Variants in SLA2 observed in about 807,000 individuals in gnomAD.
SLA2 encodes Src like adaptor 2.
In SLA2, 22 loss-of-function variants were observed where a neutral mutation model predicts 27.3. The ratio of observed to expected loss-of-function variants is 0.81; its 90% CI spans 0.58 to 1.15. The LOEUF (loss-of-function observed/expected upper bound fraction) is 1.15, where lower values mean the gene tolerates loss of function less well. SLA2 is among the 50% of genes most tolerant of loss of function. The probability of loss-of-function intolerance (pLI) is 0.00; values close to 1 mark genes in which losing one functional copy is unlikely to be tolerated. For missense variants in SLA2, 304 were observed against 322.2 expected, an observed-to-expected ratio of 0.94 and a Z score of 0.43; for synonymous variants, 131 against 137.8, an observed-to-expected ratio of 0.95 and a Z score of 0.34.
At chr20:36,618,559 C>A (rs571448086) in intron 5 of SLA2, among the ~76,000 whole-genome samples, 3 of 151,486 alleles carry the variant, frequency 2.0e-5, no homozygotes, top group South Asian at 2.1e-4. Context: ...GGATTGAAAT[C>A]ATTAAAAATA....
At chr20:36,618,124 G>GT (rs2147978191) in intron 5 of SLA2, among the ~76,000 whole-genome samples, 1 of 150,822 alleles carries the variant, frequency 6.6e-6, no homozygotes, top group Admixed American at 6.6e-5. Context: ...TCCAGCCTGG[G>GT]TGACAGAGCG....
chr20:36,644,825 T>TA (rs1437709042), intron 1 of SLA2, among the ~76,000 whole-genome samples: 3 of 151,444 alleles, frequency 2.0e-5, no homozygotes, highest in Non-Finnish European at 4.4e-5. Flanking sequence ...AGGAAAAAGT[T>TA]AGTCAACGGC....
At chr20:36,623,836 T>C (rs1344541746) in intron 5 of SLA2, among the ~76,000 whole-genome samples, 4 of 152,114 alleles carry the variant, frequency 2.6e-5, no homozygotes, top group African/African-American at 9.7e-5. Context: ...TGAGCTGTGC[T>C]GTAACCCTAA....
intron 5 of SLA2, among the ~76,000 whole-genome samples, chr20:36,624,664 T>C (rs1378140549): frequency 6.6e-6 from 1 of 152,210 alleles, no homozygotes; most frequent in East Asian, 1.9e-4. Flanking sequence ...CTCATCACCA[T>C]TTGCACTCCT....
At chr20:36,618,693 G>C (rs1316307526) in intron 5 of SLA2, among the ~76,000 whole-genome samples, 1 of 151,676 alleles carries the variant, frequency 6.6e-6, no homozygotes, top group Non-Finnish European at 1.5e-5. Flanking sequence ...ATCACCTGAG[G>C]TCAGGAGTTC....
At chr20:36,625,504 A>T (rs1006594011) in intron 5 of SLA2, among the ~76,000 whole-genome samples, 1 of 150,430 alleles carries the variant, frequency 6.6e-6, no homozygotes, top group Non-Finnish European at 1.5e-5. Context: ...GATTACAGGC[A>T]TGAGCCACTG....
intron 2 of SLA2, among the ~76,000 whole-genome samples, chr20:36,640,201 G>A (rs772160005): frequency 7.2e-5 from 11 of 151,986 alleles, no homozygotes; most frequent in East Asian, 1.9e-4. Flanking sequence ...CCAACTACTC[G>A]GGAGGCTGAG....
intron 2 of SLA2, among the ~76,000 whole-genome samples, chr20:36,637,883 CT>C (rs35354699): frequency 0.025 from 2,221 of 89,394 alleles, 5 homozygotes; most frequent in African/African-American, 0.036. Context: ...GCCTCGGCCT[CT>C]TTTTTTTTTT....
chr20:36,619,215 T>C lies in SLA2; in HGVS notation c.383-3841A>G, dbSNP rs1476126832. Among the ~76,000 whole-genome samples the C allele has an allele frequency of 1.6e-4, 13 of 83,294 alleles. No homozygotes were observed. In the East Asian group the frequency reaches 4.0e-3, roughly 26 times the overall value. The allele number at this position is 83,294 out of a possible 152,430, so 54.6% of individuals were successfully genotyped here. ...CAGCTTGGGCAATGGAGTGAGACTC[T>C]GGGGGAAAAAAAAAAAAAAAAAAAA... On this transcript the variant is annotated intron_variant, in intron 5 of 7. Coordinates refer to ENST00000262866, the MANE Select transcript of SLA2 (RefSeq NM_032214.4).
chr20:36,642,921 C>G (rs183943627), intron 1 of SLA2, among the ~76,000 whole-genome samples: 1 of 152,158 alleles, frequency 6.6e-6, no homozygotes, highest in Non-Finnish European at 1.5e-5. Context: ...CCATGTTGCC[C>G]AGGCTGTTCT....
intron 5 of SLA2, among the ~76,000 whole-genome samples, chr20:36,626,321 G>A (rs6028424): frequency 0.026 from 3,964 of 151,902 alleles, 180 homozygotes; most frequent in African/African-American, 0.09. Context: ...GAACCCAGGA[G>A]GCATAGGTTG....
Position 36,641,260 on chromosome 20 carries a change from C to T in SLA2, c.76G>A (p.Val26Met). 1.9e-6 allele frequency: 3 copies of T among 1,614,026 alleles called. No individual in the cohort carries two copies. The Admixed American group carries it at 5.0e-5, about 27-fold the overall frequency. The change falls in exon 2 of 8, where the codon GTG becomes ATG. Residue 26 changes from valine (V) to methionine (M), a missense_variant. Transcript: ENST00000262866. Reference protein sequence around the residue: ...LSSSVQGQGPVTMEAERSKAT... With the variant: ...LSSSVQGQGPMTMEAERSKAT... ...TGAGGCCTACCTGCTTCCATGGTCA[C>T]AGGTCCCTGGCCTTGGACAGAGGAA...
chr20:36,615,377 G>C lies in SLA2; in HGVS notation c.383-3C>G. 6.2e-7 allele frequency: 1 copy of C among 1,613,518 alleles called. No homozygotes were observed. Among genetic ancestry groups the C allele is most frequent in the Non-Finnish European group, 8.5e-7 (1 of 1,180,008 alleles). On this transcript the variant is annotated splice_polypyrimidine_tract_variant and splice_region_variant and intron_variant, in intron 5 of 7. Coordinates refer to ENST00000262866, the MANE Select transcript of SLA2 (RefSeq NM_032214.4). ...GCGGACTGACAGAGAGTAAGAGCCT[G>C]AGGAGAAAGGGGTCCAGGGGTGGCA...
intron 7 of SLA2, 115 bp downstream of exon 7, chr20:36,614,190 C>G (rs553865137): frequency 2.6e-6 from 4 of 1,559,218 alleles, no homozygotes; most frequent in Non-Finnish European, 3.5e-6. Context: ...CACTCTGGCT[C>G]CAGCTGCCAG....
intron 2 of SLA2, among the ~76,000 whole-genome samples, chr20:36,636,286 TGGCG>T (rs1165318147): frequency 6.7e-6 from 1 of 149,900 alleles, no homozygotes; most frequent in Non-Finnish European, 1.5e-5. Flanking sequence ...CCGGGCGCGG[TGGCG>T]GGCGCCTGTA....
At chr20:36,634,693 C>T in intron 2 of SLA2, 104 bp from the exon 3 acceptor site, 1 of 635,916 alleles carries the variant, frequency 1.6e-6, no homozygotes, top group East Asian at 3.2e-5. Flanking sequence ...CAGCCCTCCA[C>T]AAGCACCCTG....
intron 5 of SLA2, among the ~76,000 whole-genome samples, chr20:36,616,028 CAT>C (rs1209601722): frequency 6.6e-6 from 1 of 152,140 alleles, no homozygotes; most frequent in African/African-American, 2.4e-5. Flanking sequence ...AGCAGAAAAA[CAT>C]TACAGAGCAT....
intron 5 of SLA2, among the ~76,000 whole-genome samples, chr20:36,619,449 C>T (rs1439612611): frequency 1.3e-5 from 2 of 151,162 alleles, no homozygotes; most frequent in Non-Finnish European, 2.9e-5. Flanking sequence ...TTGCTTGAAC[C>T]TGGGAGCAGG....
chr20:36,641,869 C>CA (rs1177571782), intron 1 of SLA2, among the ~76,000 whole-genome samples: 2 of 151,692 alleles, frequency 1.3e-5, no homozygotes, highest in African/African-American at 4.8e-5. Context: ...CAGAGGTCTG[C>CA]AAGGAGGGCT....
Sources: allele counts gnomAD v4.1 joint callset (sites outside exome capture counted in the v4.1 genomes callset), GRCh38; gene constraint gnomAD v4.1.1; transcripts MANE v1.5; gene names NCBI Gene and HGNC (gene_info 2026-07-23, HGNC 2026-07-21).